MEI4: variants seen among roughly 807,000 people sequenced by gnomAD.
MEI4 encodes meiotic double-stranded break formation protein 4.
In MEI4, 27 loss-of-function variants were observed where a neutral mutation model predicts 31.4. The observed-to-expected ratio is 0.86, with a 90% CI of 0.63 to 1.19. MEI4 has a LOEUF of 1.19. Among genes scored for constraint, MEI4 ranks in the 50% most tolerant of loss-of-function variants. MEI4 has a pLI of 0.00. For missense variants in MEI4, 329 were observed against 398.9 expected, an observed-to-expected ratio of 0.82 and a Z score of 1.49; for synonymous variants, 122 against 145.4, an observed-to-expected ratio of 0.84 and a Z score of 1.16.
chr6:77,667,097 A>G (rs1254550112), intron 1 of MEI4, among the ~76,000 whole-genome samples: 1 of 152,232 alleles, frequency 6.6e-6, no homozygotes, highest in Non-Finnish European at 1.5e-5. Flanking sequence ...TTAACTGCAT[A>G]GTCTTGAGAA....
chr6:77,897,512 AT>A (rs199854367), intron 4 of MEI4, among the ~76,000 whole-genome samples: 539 of 46,294 alleles, frequency 0.012, 3 homozygotes, highest in African/African-American at 0.09. Flanking sequence ...ATTTTTTAAA[AT>A]TGTTATATAT....
At chr6:77,729,671 C>A (rs965202036) in intron 2 of MEI4, among the ~76,000 whole-genome samples, 2 of 152,106 alleles carry the variant, frequency 1.3e-5, no homozygotes, top group Admixed American at 6.6e-5. Flanking sequence ...CCTTTTTATT[C>A]AGCATTTATA....
intron 4 of MEI4, among the ~76,000 whole-genome samples, chr6:77,830,528 A>C (rs892740282): frequency 2.0e-5 from 3 of 152,074 alleles, no homozygotes; most frequent in African/African-American, 4.8e-5. Flanking sequence ...ATGTTCTGAC[A>C]GTTAAGATAC....
chr6:77,731,884 A>C (rs1043798347), intron 2 of MEI4, among the ~76,000 whole-genome samples: 19 of 151,942 alleles, frequency 1.3e-4, no homozygotes, highest in Non-Finnish European at 2.6e-4. Context: ...TTAAATAGGG[A>C]ATCCTTTCCC....
chr6:77,879,355 T>C (rs1481720035), intron 4 of MEI4, among the ~76,000 whole-genome samples: 11 of 152,192 alleles, frequency 7.2e-5, no homozygotes, highest in Non-Finnish European at 4.4e-5. Flanking sequence ...TAGAATTCTC[T>C]TGTATTATAT....
chr6:77,654,758 T>C (rs574151863), intron 1 of MEI4, among the ~76,000 whole-genome samples: 35 of 151,902 alleles, frequency 2.3e-4, no homozygotes, highest in Non-Finnish European at 4.0e-4. Flanking sequence ...GTCCTTTACA[T>C]TGGGATTTTG....
At chr6:77,742,599 T>C (rs1286931429) in intron 2 of MEI4, among the ~76,000 whole-genome samples, 2 of 152,240 alleles carry the variant, frequency 1.3e-5, no homozygotes, top group East Asian at 1.9e-4. Flanking sequence ...TAGTTTCTTT[T>C]GCTGTGCAGA....
At chr6:77,751,034 A>G (rs1241244114) in intron 2 of MEI4, among the ~76,000 whole-genome samples, 1 of 152,228 alleles carries the variant, frequency 6.6e-6, no homozygotes, top group Non-Finnish European at 1.5e-5. Context: ...AAATAATGAA[A>G]TGAAGGCAGA....
chr6:77,825,957 CAT>C (rs1244549488), intron 3 of MEI4, among the ~76,000 whole-genome samples: 2 of 152,162 alleles, frequency 1.3e-5, no homozygotes, highest in African/African-American at 2.4e-5. Flanking sequence ...TCCTGAAACT[CAT>C]GTGGGAGAAA....
intron 3 of MEI4, among the ~76,000 whole-genome samples, chr6:77,789,562 AAAAC>A (rs994052760): frequency 6.1e-4 from 93 of 152,344 alleles, no homozygotes; most frequent in African/African-American, 1.6e-3. Flanking sequence ...TTACAAGGAA[AAAAC>A]AAACAAACCC....
chr6:77,738,233 C>T (rs1360430675), intron 2 of MEI4, among the ~76,000 whole-genome samples: 1 of 152,164 alleles, frequency 6.6e-6, no homozygotes, highest in Non-Finnish European at 1.5e-5. Context: ...GCCAAGCTGA[C>T]CCACAAATCT....
rs1310348226 is a variant in MEI4 at position 77,690,759 on chromosome 6, A to G, written c.88A>G (p.Arg30Gly). The G allele has an allele frequency of 3.2e-6, 4 of 1,231,622 alleles. No homozygotes were observed. The African/African-American group carries it at 6.2e-5, about 19-fold the overall frequency. The allele number at this position is 1,231,622 out of a possible 1,614,324, so 76.3% of individuals were successfully genotyped here. A position where few individuals can be genotyped will look rare whatever the true frequency, so the allele number is the denominator to read the frequency against. The change falls in exon 2 of 5, where the codon AGA (arginine) becomes GGA (glycine). Residue 30 changes from arginine (R) to glycine (G), a missense_variant. Physicochemically the swap from Arg to Gly is moderately radical, Grantham distance 125. Coordinates refer to ENST00000684080, the MANE Select transcript of MEI4 (RefSeq NM_001322247.2). ...CTCAAAACCAGCAGACAAAAGCAGC[A>G]GAGAATACACAGAGCACCTTGCTAT... ...IRSKPADKSS[R>G]EYTEHLAMLL...
intron 2 of MEI4, among the ~76,000 whole-genome samples, chr6:77,696,900 C>T (rs968085626): frequency 5.9e-5 from 9 of 152,156 alleles, no homozygotes; most frequent in African/African-American, 2.2e-4. Flanking sequence ...GGTCCTGGAC[C>T]TCTTTTTGGT....
At chr6:77,852,055 G>A (rs930447616) in intron 4 of MEI4, among the ~76,000 whole-genome samples, 1 of 152,090 alleles carries the variant, frequency 6.6e-6, no homozygotes, top group African/African-American at 2.4e-5. Flanking sequence ...CTTATTTAAT[G>A]TAAATATAAT....
intron 4 of MEI4, among the ~76,000 whole-genome samples, chr6:77,897,733 A>G (rs1766113521): frequency 6.6e-6 from 1 of 151,936 alleles, no homozygotes; most frequent in Admixed American, 6.6e-5. Flanking sequence ...TGTATAAAGC[A>G]AAATGGATTA....
chr6:77,710,520 C>CAAAAA (rs1198470708), intron 2 of MEI4, among the ~76,000 whole-genome samples: 104 of 56,576 alleles, frequency 1.8e-3, no homozygotes, highest in East Asian at 3.6e-3. Flanking sequence ...GACTCCATCT[C>CAAAAA]AAAAAAAAAA....
intron 4 of MEI4, among the ~76,000 whole-genome samples, chr6:77,859,213 C>A (rs1435476982): frequency 1.3e-5 from 2 of 152,164 alleles, no homozygotes; most frequent in Non-Finnish European, 2.9e-5. Context: ...CTTTTTATGG[C>A]TGCATAGTAT....
rs150556955 is a variant in MEI4, at chr6:77,769,143, C to A, written c.768+7478C>A. Among the ~76,000 whole-genome samples the A allele has an allele frequency of 2.7e-3, 413 of 152,278 alleles. 1 individual carries two copies. Among genetic ancestry groups the A allele is most frequent in the African/African-American group, 8.7e-3 (363 of 41,556 alleles). On this transcript the variant is annotated intron_variant, in intron 3 of 4. Transcript: ENST00000684080. ...TCTTGAATTGCCTACACCACCCCTT[C>A]CCTATTCCCTGGCAGCGGCCATATG...
chr6:77,919,874 T>C (rs1025585134), intron 4 of MEI4, among the ~76,000 whole-genome samples: 3 of 150,260 alleles, frequency 2.0e-5, no homozygotes, highest in African/African-American at 7.3e-5. Context: ...CAAACACCTC[T>C]ACGCAAATAA....
Sources: allele counts gnomAD v4.1 joint callset (sites outside exome capture counted in the v4.1 genomes callset), GRCh38; gene constraint gnomAD v4.1.1; transcripts MANE v1.5; gene names NCBI Gene and HGNC (gene_info 2026-07-23, HGNC 2026-07-21).